Variants in VEZT observed in about 807,000 individuals in gnomAD.
The protein encoded by VEZT is vezatin, adherens junctions transmembrane protein.
In VEZT, 39 loss-of-function variants were observed where a neutral mutation model predicts 79.9. The ratio of observed to expected loss-of-function variants is 0.49; its 90% CI spans 0.38 to 0.64. VEZT has a LOEUF of 0.64. VEZT is among the 30% of genes least tolerant of loss of function. VEZT has a pLI of 0.00. For missense variants in VEZT, 837 were observed against 893.1 expected (o/e 0.94, Z 0.80); for synonymous variants, 325 against 327.6 (o/e 0.99, Z 0.09).
At chr12:95,257,020 A>G (rs961777688) in intron 2 of VEZT, 130 bp from the exon 3 acceptor site, 7 of 719,262 alleles carry the variant, frequency 9.7e-6, no homozygotes, top group Admixed American at 9.4e-5. Context: ...GACAAGGTAT[A>G]TAACCTGGAC....
At chr12:95,254,535 T>G (rs963749198) in intron 2 of VEZT, among the ~76,000 whole-genome samples, 1 of 151,910 alleles carries the variant, frequency 6.6e-6, no homozygotes, top group East Asian at 1.9e-4. Context: ...TTAGTAGAGA[T>G]GGGGTTTTAC....
rs535199701 is a variant in VEZT, at chr12:95,270,455, G to T, written c.848+267G>T. The stretch of plus-strand genomic sequence containing the variant: ...TTCCTTTACTCATCCAAAGAATGAA[G>T]TCGAAAGAGTCTGGCTTTGCTAGGT... On this transcript the variant is annotated intron_variant, in intron 6 of 11. Coordinates refer to ENST00000436874, the MANE Select transcript of VEZT (RefSeq NM_017599.4). Among the ~76,000 whole-genome samples the T allele has an allele frequency of 3.3e-5, 5 of 152,282 alleles. 1 individual carries two copies. Among genetic ancestry groups the T allele is most frequent in the African/African-American group, 1.2e-4 (5 of 41,576 alleles).
intron 2 of VEZT, among the ~76,000 whole-genome samples, chr12:95,252,997 A>G (rs1273297603): frequency 6.6e-6 from 1 of 152,146 alleles, no homozygotes; most frequent in Non-Finnish European, 1.5e-5. Context: ...CTCTATTTTT[A>G]GATGAGACAG....
Position 95,300,442 on chromosome 12 carries a change from T to C in VEZT, c.2109T>C (p.Asp703=). Residue 703 remains aspartate, a synonymous_variant, in exon 12 of 12, where the codon GAT becomes GAC. Transcript: ENST00000436874. ...AGAGTGAAGATGAACCACAAGCAGA[T>C]GGAAGTGGTCTGACCACTGCCCCTC... ...QCESEDEPQA[D]GSGLTTAPPT... The C allele has an allele frequency of 6.2e-7, 1 of 1,613,972 alleles. No homozygotes were observed. Among genetic ancestry groups the C allele is most frequent in the Non-Finnish European group, 8.5e-7 (1 of 1,179,872 alleles).
At chr12:95,285,625 T>C (rs918354005) in intron 8 of VEZT, among the ~76,000 whole-genome samples, 15 of 152,170 alleles carry the variant, frequency 9.9e-5, no homozygotes, top group African/African-American at 3.1e-4. Flanking sequence ...CTCTCTGTGG[T>C]ATTATCCTTT....
At chr12:95,287,956 T>G in intron 9 of VEZT, 99 bp downstream of exon 9, 8 of 1,056,666 alleles carry the variant, frequency 7.6e-6, no homozygotes, top group Non-Finnish European at 9.0e-6. Context: ...ATGATGAAAC[T>G]AGCTTCAAAA....
Position 95,302,462 on chromosome 12 carries a change from A to G in VEZT, c.*1789A>G, listed in dbSNP as rs2075315738. ...TAATTCACTACTTGTTACATAATCC[A>G]GTGAAAACTCTACTTGTTGAAATTA... is the stretch of plus-strand genomic sequence containing the variant. On this transcript the variant is annotated 3_prime_UTR_variant, in exon 12 of 12. Transcript: ENST00000436874. The G allele has an allele frequency of 6.6e-6, 1 of 152,206 alleles. No individual in the cohort carries two copies. Among genetic ancestry groups the G allele is most frequent in the African/African-American group, 2.4e-5 (1 of 41,468 alleles). 9.4% of individuals were successfully genotyped at this position (152,206 alleles called of 1,614,324 possible). A position where few individuals can be genotyped will look rare whatever the true frequency, so the allele number is the denominator to read the frequency against.
intron 1 of VEZT, among the ~76,000 whole-genome samples, chr12:95,233,877 T>A (rs907174613): frequency 6.6e-5 from 10 of 152,214 alleles, no homozygotes; most frequent in African/African-American, 2.2e-4. Flanking sequence ...GATATTCTTG[T>A]ATGTATATTT....
chr12:95,289,081 C>CAAAAAAAAAAA (rs71078697), intron 9 of VEZT, among the ~76,000 whole-genome samples: 261 of 122,968 alleles, frequency 2.1e-3, no homozygotes, highest in Non-Finnish European at 3.6e-3. Flanking sequence ...GACTCCGTCT[C>CAAAAAAAAAAA]AAAAAAAAAA....
chr12:95,223,315 G>T (rs1405593775), intron 1 of VEZT, among the ~76,000 whole-genome samples: 1 of 151,918 alleles, frequency 6.6e-6, no homozygotes, highest in Non-Finnish European at 1.5e-5. Flanking sequence ...TTTTATCTAG[G>T]TTTTCAAAAT....
Position 95,302,045 on chromosome 12 carries a change from T to C in VEZT, c.*1372T>C, listed in dbSNP as rs143909620. 10 of 152,308 alleles carry C rather than the reference T, an allele frequency of 6.6e-5. No individual in the cohort carries two copies. The highest frequency in any genetic ancestry group is 2.1e-4 in the South Asian group (1 of 4,828). 9.4% of individuals were successfully genotyped at this position (152,308 alleles called of 1,614,324 possible). On this transcript the variant is annotated 3_prime_UTR_variant, in exon 12 of 12. Transcript: ENST00000436874. Reference sequence around the variant, plus strand: ...AACCTCTTCGGAGCAATACCTTAGGTTGGGCCTTGCTTTACTACTTAGAAA... The same window carrying C: ...AACCTCTTCGGAGCAATACCTTAGGCTGGGCCTTGCTTTACTACTTAGAAA...
intron 1 of VEZT, among the ~76,000 whole-genome samples, chr12:95,231,925 T>A (rs1376479915): frequency 6.6e-6 from 1 of 152,190 alleles, no homozygotes; most frequent in Non-Finnish European, 1.5e-5. Context: ...TGACAGAGAT[T>A]TAGCCTTTTA....
intron 9 of VEZT, among the ~76,000 whole-genome samples, chr12:95,291,224 C>G (rs373814490): frequency 6.6e-6 from 1 of 152,294 alleles, no homozygotes; most frequent in South Asian, 2.1e-4. Flanking sequence ...CAGTGAGACC[C>G]TGTCTCAAAA....
chr12:95,226,550 CCAA>C (rs2058522267), intron 1 of VEZT, among the ~76,000 whole-genome samples: 1 of 152,116 alleles, frequency 6.6e-6, no homozygotes, highest in Admixed American at 6.6e-5. Flanking sequence ...GGATAATATT[CCAA>C]CAACATCCCT....
chr12:95,289,178 G>A (rs56113117), intron 9 of VEZT, among the ~76,000 whole-genome samples: 12,615 of 151,108 alleles, frequency 0.083, 569 homozygotes, highest in Middle Eastern at 0.12. Context: ...AGCACTTTGG[G>A]AGGCTGAGGT....
At chr12:95,245,173 G>A (rs2061556236) in intron 1 of VEZT, among the ~76,000 whole-genome samples, 1 of 152,216 alleles carries the variant, frequency 6.6e-6, no homozygotes, top group Non-Finnish European at 1.5e-5. Flanking sequence ...GGTGGAGGTT[G>A]CAGTGAGCCA....
chr12:95,280,385 G>A (rs889309388), intron 7 of VEZT, among the ~76,000 whole-genome samples: 2 of 151,476 alleles, frequency 1.3e-5, no homozygotes, highest in Non-Finnish European at 2.9e-5. Flanking sequence ...CTTCCTTCAG[G>A]TGACACTTTT....
At chr12:95,280,186 A>G (rs1261891117) in intron 7 of VEZT, among the ~76,000 whole-genome samples, 1 of 152,108 alleles carries the variant, frequency 6.6e-6, no homozygotes, top group African/African-American at 2.4e-5. Context: ...GGGCCTGTTA[A>G]CGCATAAATC....
intron 1 of VEZT, among the ~76,000 whole-genome samples, chr12:95,225,808 G>C (rs541915065): frequency 6.8e-6 from 1 of 146,330 alleles, no homozygotes; most frequent in Non-Finnish European, 1.5e-5. Flanking sequence ...GAGAAGGATG[G>C]AGGGAAGAGA....
Sources: gnomAD v4.1 joint callset for allele counts (sites outside exome capture counted in the v4.1 genomes callset) on GRCh38, gnomAD v4.1.1 for gene constraint, MANE v1.5 for transcripts, NCBI Gene and HGNC (gene_info 2026-07-23, HGNC 2026-07-21) for gene names.